The following PDGFC variants were observed in gnomAD, a reference collection of about 807,000 sequenced individuals.
PDGFC encodes the protein platelet derived growth factor C.
Under a neutral mutation model 35.5 loss-of-function variants are expected in PDGFC, and 12 were observed. That is an observed-to-expected ratio of 0.34 (90% CI 0.22 to 0.55). PDGFC has a LOEUF of 0.55. Ranked by LOEUF, PDGFC falls within the 20% of genes least tolerant of loss-of-function variation. The pLI is 0.91. For synonymous variants in PDGFC, 159 were observed against 148.8 expected (o/e 1.07, Z -0.50); for missense variants, 322 against 412.4 (o/e 0.78, Z 1.90).
chr4:156,889,990 A>T (rs1336750859), intron 1 of PDGFC, among the ~76,000 whole-genome samples: 1 of 152,034 alleles, frequency 6.6e-6, no homozygotes, highest in Non-Finnish European at 1.5e-5. Flanking sequence ...TTATTTTTTA[A>T]CTCTTTTACT....
intron 1 of PDGFC, among the ~76,000 whole-genome samples, chr4:156,963,890 TGCAAA>T (rs939797162): frequency 1.3e-5 from 2 of 151,860 alleles, no homozygotes; most frequent in African/African-American, 4.8e-5. Flanking sequence ...TTGGGAACTT[TGCAAA>T]CCAAAGTTTA....
chr4:156,785,009 A>G (rs562160228), intron 3 of PDGFC, among the ~76,000 whole-genome samples: 1 of 152,362 alleles, frequency 6.6e-6, no homozygotes, highest in South Asian at 2.1e-4. Context: ...AAATGATTAC[A>G]CTTTATGTAT....
At chr4:156,895,896 A>C (rs971936890) in intron 1 of PDGFC, among the ~76,000 whole-genome samples, 1 of 152,168 alleles carries the variant, frequency 6.6e-6, no homozygotes, top group African/African-American at 2.4e-5. Flanking sequence ...GGAAAAGCAA[A>C]CATGATTAAC....
At chr4:156,882,031 A>G (rs1055379035) in intron 1 of PDGFC, among the ~76,000 whole-genome samples, 51 of 152,134 alleles carry the variant, frequency 3.4e-4, no homozygotes, top group African/African-American at 1.2e-3. Context: ...ATGAAAATGG[A>G]CTAATACACT....
intron 1 of PDGFC, among the ~76,000 whole-genome samples, chr4:156,902,533 T>G (rs750718855): frequency 6.6e-6 from 1 of 152,052 alleles, no homozygotes; most frequent in Non-Finnish European, 1.5e-5. Context: ...TGTTTCCACA[T>G]GTTACATAAA....
intron 1 of PDGFC, among the ~76,000 whole-genome samples, chr4:156,965,662 C>T (rs1732447893): frequency 6.6e-6 from 1 of 151,908 alleles, no homozygotes; most frequent in East Asian, 2.0e-4. Context: ...GCTGAGTGTG[C>T]CATGTCCACC....
chr4:156,894,555 G>A (rs370914921), intron 1 of PDGFC, among the ~76,000 whole-genome samples: 4 of 152,152 alleles, frequency 2.6e-5, no homozygotes, highest in Non-Finnish European at 2.9e-5. Flanking sequence ...ATTAATCCGA[G>A]CAAAATATAT....
intron 1 of PDGFC, among the ~76,000 whole-genome samples, chr4:156,944,288 G>C (rs150564925): frequency 1.2e-4 from 19 of 152,182 alleles, no homozygotes; most frequent in Admixed American, 1.2e-3. Context: ...GGTAAACACT[G>C]AGTATGTCTT....
chr4:156,970,718 A>G (rs972297162), intron 1 of PDGFC, 68 bp downstream of exon 1: 25 of 969,666 alleles, frequency 2.6e-5, no homozygotes, highest in Non-Finnish European at 4.2e-5. Flanking sequence ...ATCACATACC[A>G]ACGCACAATG....
intron 1 of PDGFC, chr4:156,861,429 C>G (rs1333716769): frequency 1.7e-6 from 2 of 1,208,198 alleles, no homozygotes; most frequent in Non-Finnish European, 2.2e-6. Flanking sequence ...TTTTGCTTAC[C>G]TTTTAAATGT....
At chr4:156,839,393 A>C (rs1330395141) in intron 2 of PDGFC, among the ~76,000 whole-genome samples, 2 of 152,118 alleles carry the variant, frequency 1.3e-5, no homozygotes. Flanking sequence ...TCCTGCCCCC[A>C]TGTGAAGAAG....
At chr4:156,902,393 A>T (rs1257679396) in intron 1 of PDGFC, among the ~76,000 whole-genome samples, 1 of 152,164 alleles carries the variant, frequency 6.6e-6, no homozygotes, top group Non-Finnish European at 1.5e-5. Context: ...TTCCTTTCAC[A>T]ATCCTGTATC....
intron 3 of PDGFC, among the ~76,000 whole-genome samples, chr4:156,808,776 A>G (rs1731845042): frequency 6.6e-6 from 1 of 152,066 alleles, no homozygotes; most frequent in African/African-American, 2.4e-5. Context: ...ACCCTTCTGC[A>G]GACAGTTTAT....
intron 2 of PDGFC, among the ~76,000 whole-genome samples, chr4:156,824,321 TATATATACACACACAC>T (rs1161289904): frequency 2.8e-4 from 27 of 96,232 alleles, no homozygotes; most frequent in African/African-American, 1.4e-3. Flanking sequence ...TATATATATA[TATATATACACACACAC>T]ACACACACAC....
intron 1 of PDGFC, among the ~76,000 whole-genome samples, chr4:156,909,227 C>G (rs1483112108): frequency 6.6e-6 from 1 of 152,080 alleles, no homozygotes; most frequent in Admixed American, 6.5e-5. Flanking sequence ...TAATTGGATA[C>G]TTTAAATGGG....
intron 3 of PDGFC, among the ~76,000 whole-genome samples, chr4:156,786,714 A>G (rs1276586765): frequency 6.6e-6 from 1 of 152,190 alleles, no homozygotes; most frequent in African/African-American, 2.4e-5. Context: ...ACAATAAATA[A>G]TCTTTTAGTA....
intron 3 of PDGFC, among the ~76,000 whole-genome samples, chr4:156,793,534 CATAT>C (rs66571528): frequency 0.045 from 5,874 of 130,546 alleles, 205 homozygotes; most frequent in South Asian, 0.18. Context: ...GAATTATGTG[CATAT>C]ATATATATAT....
chr4:156,810,724 C>A (rs1328658501), intron 3 of PDGFC, 113 bp downstream of exon 3: 5 of 674,670 alleles, frequency 7.4e-6, no homozygotes, highest in Non-Finnish European at 1.3e-5. Context: ...AATGAAATCC[C>A]AGCTAGGTTT....
intron 3 of PDGFC, among the ~76,000 whole-genome samples, chr4:156,783,695 G>C (rs1475982919): frequency 6.6e-6 from 1 of 152,062 alleles, no homozygotes; most frequent in Non-Finnish European, 1.5e-5. Flanking sequence ...CCTCCTACTT[G>C]CCTCGAAGTT....
Sources: allele counts gnomAD v4.1 joint callset (sites outside exome capture counted in the v4.1 genomes callset), GRCh38; gene constraint gnomAD v4.1.1; transcripts MANE v1.5; gene names NCBI Gene and HGNC (gene_info 2026-07-23, HGNC 2026-07-21).